The following CNKSR2 variants were observed in gnomAD, a reference collection of about 807,000 sequenced individuals.
The protein encoded by CNKSR2 is CNK homolog protein 2.
CNKSR2 carries 14 observed loss-of-function variants against 84.4 expected under a neutral mutation model. That is an observed-to-expected ratio of 0.17 (90% CI 0.11 to 0.26). CNKSR2 has a LOEUF of 0.26. Among genes scored for constraint, CNKSR2 ranks in the 10% least tolerant of loss-of-function variants. The pLI is 1.00. For synonymous variants in CNKSR2, 275 were observed against 277.9 expected, an observed-to-expected ratio of 0.99 and a Z score of 0.10; for missense variants, 485 against 771.2, an observed-to-expected ratio of 0.63 and a Z score of 4.40.
At chrX:21,542,370 C>A (rs1286193349) in intron 11 of CNKSR2, among the ~76,000 whole-genome samples, 1 of 111,849 alleles carries the variant, frequency 8.9e-6, no homozygotes, top group East Asian at 2.8e-4. Flanking sequence ...ATAATATCTG[C>A]CTTGTAGAGT....
chrX:21,477,378 T>C (rs1304787986), intron 5 of CNKSR2, among the ~76,000 whole-genome samples: 1 of 111,978 alleles, frequency 8.9e-6, no homozygotes, highest in Non-Finnish European at 1.9e-5. Flanking sequence ...TTACAGAACA[T>C]TCTCAGGAAT....
intron 5 of CNKSR2, among the ~76,000 whole-genome samples, chrX:21,474,678 G>A (rs1171237942): frequency 1.8e-5 from 2 of 111,400 alleles, no homozygotes; most frequent in Non-Finnish European, 3.8e-5. Flanking sequence ...GGGCTGAGTG[G>A]GTATGAGATG....
chrX:21,437,147 A>G (rs1435740810), intron 3 of CNKSR2, among the ~76,000 whole-genome samples: 1 of 111,735 alleles, frequency 8.9e-6, no homozygotes, highest in Admixed American at 9.5e-5. Flanking sequence ...TGCTATAGGC[A>G]TTTAGTGATC....
intron 20 of CNKSR2, among the ~76,000 whole-genome samples, chrX:21,615,935 C>G (rs953489534): frequency 1.5e-4 from 17 of 111,896 alleles, no homozygotes; most frequent in African/African-American, 5.5e-4. Flanking sequence ...AAATGTTCCT[C>G]ATTTCACATT....
intron 13 of CNKSR2, among the ~76,000 whole-genome samples, chrX:21,564,209 A>G (rs1203231773): frequency 9.0e-6 from 1 of 111,366 alleles, no homozygotes; most frequent in African/African-American, 3.3e-5. Flanking sequence ...GTCATAGGTA[A>G]AGGTTAGATG....
rs201231594 is a variant in CNKSR2, at chrX:21,496,800, GTTAA to G, written c.682-981_682-978del. 4.0e-3 allele frequency among the ~76,000 whole-genome samples: 448 copies of G among 111,149 alleles called. 2 individuals are homozygous for G. The highest frequency in any genetic ancestry group is 0.013 in the African/African-American group (403 of 30,741). On this transcript the variant is annotated intron_variant, in intron 6 of 21. Transcript: ENST00000379510. The stretch of plus-strand genomic sequence containing the variant: ...ATTAAATCTATATTTCAGATTTGAA[GTTAA>G]TTAATATTAATATTTTTATTTATGA...
intron 4 of CNKSR2, among the ~76,000 whole-genome samples, chrX:21,457,302 T>C (rs1243147590): frequency 1.8e-5 from 2 of 111,571 alleles, no homozygotes; most frequent in Admixed American, 9.5e-5. Context: ...ATTTTTGCGA[T>C]TTTTCTTTCC....
chrX:21,512,159 G>C (rs758791827), intron 8 of CNKSR2, among the ~76,000 whole-genome samples: 4 of 111,862 alleles, frequency 3.6e-5, no homozygotes, highest in Admixed American at 9.5e-5. Context: ...AACTAATCTA[G>C]ACATGAGCAA....
chrX:21,447,579 T>C (rs2090871687), intron 4 of CNKSR2, among the ~76,000 whole-genome samples: 2 of 111,315 alleles, frequency 1.8e-5, no homozygotes, highest in African/African-American at 6.5e-5. Flanking sequence ...TCATGAGTGA[T>C]AAAATAAACT....
chrX:21,627,462 G>A (rs1268629078), intron 20 of CNKSR2, among the ~76,000 whole-genome samples: 1 of 111,573 alleles, frequency 9.0e-6, no homozygotes, highest in Non-Finnish European at 1.9e-5. Flanking sequence ...TCGTGCCACT[G>A]CACTCCAGCC....
chrX:21,648,779 TC>T, intron 20 of CNKSR2, 51 bp from the exon 21 acceptor site: 2 of 874,159 alleles, frequency 2.3e-6, no homozygotes, highest in Non-Finnish European at 3.1e-6. Flanking sequence ...TTTCTCTCTC[TC>T]TCTCTCTCTC....
At chrX:21,465,104 G>A (rs1052082812) in intron 4 of CNKSR2, among the ~76,000 whole-genome samples, 1 of 111,847 alleles carries the variant, frequency 8.9e-6, no homozygotes, top group Non-Finnish European at 1.9e-5. Flanking sequence ...GCCATTTAGG[G>A]CCAGGTAAAA....
chrX:21,484,029 TG>T (rs1273431965), intron 5 of CNKSR2, among the ~76,000 whole-genome samples: 1 of 112,279 alleles, frequency 8.9e-6, no homozygotes, highest in African/African-American at 3.2e-5. Context: ...CAGTGGCCCA[TG>T]CCTGTAATCC....
intron 1 of CNKSR2, among the ~76,000 whole-genome samples, chrX:21,398,186 G>A (rs901105773): frequency 6.3e-5 from 7 of 111,520 alleles, no homozygotes; most frequent in Non-Finnish European, 1.1e-4. Flanking sequence ...TGTGTACATT[G>A]TATGCATCAT....
intron 8 of CNKSR2, among the ~76,000 whole-genome samples, chrX:21,513,071 G>T (rs1360794946): frequency 8.9e-6 from 1 of 112,154 alleles, no homozygotes; most frequent in Non-Finnish European, 1.9e-5. Context: ...CTAGCACAGT[G>T]AATTGTTGAT....
At chrX:21,423,515 A>C (rs1429579018) in intron 1 of CNKSR2, 1 of 111,854 alleles carries the variant, frequency 8.9e-6, no homozygotes, top group Non-Finnish European at 1.9e-5. Context: ...CCAGAAGAAA[A>C]TTATCCTTCC....
intron 11 of CNKSR2, among the ~76,000 whole-genome samples, chrX:21,542,817 G>C (rs1350294879): frequency 8.9e-6 from 1 of 111,882 alleles, no homozygotes; most frequent in Non-Finnish European, 1.9e-5. Context: ...TTTGAAGGTA[G>C]GAATCCAGAC....
At chrX:21,449,198 G>GTACA (rs1306323216) in intron 4 of CNKSR2, among the ~76,000 whole-genome samples, 4 of 106,555 alleles carry the variant, frequency 3.8e-5, no homozygotes, top group African/African-American at 1.4e-4. Context: ...CAGCTACTCA[G>GTACA]TACACTGAGG....
intron 5 of CNKSR2, among the ~76,000 whole-genome samples, chrX:21,472,039 T>A (rs375010950): frequency 1.8e-5 from 2 of 112,019 alleles, no homozygotes; most frequent in South Asian, 3.7e-4. Flanking sequence ...ACACAGAATC[T>A]AATACCAAAG....
Sources: allele counts gnomAD v4.1 joint callset (sites outside exome capture counted in the v4.1 genomes callset), GRCh38; gene constraint gnomAD v4.1.1; transcripts MANE v1.5; gene names NCBI Gene and HGNC (gene_info 2026-07-23, HGNC 2026-07-21).